Variants in RBMS3 observed in about 807,000 individuals in gnomAD.
RBMS3 encodes RNA-binding motif, single-stranded-interacting protein 3.
In RBMS3, 27 loss-of-function variants were observed where a neutral mutation model predicts 66.8. That is an observed-to-expected ratio of 0.40 (90% CI 0.30 to 0.56). The LOEUF is 0.56. RBMS3 is among the 20% of genes least tolerant of loss of function. The pLI is 0.40. For missense variants in RBMS3, 513 were observed against 549.5 expected (o/e 0.93, Z 0.66); for synonymous variants, 188 against 183.0 (o/e 1.03, Z -0.22).
rs112281119 is a variant in RBMS3 at position 29,371,141 on chromosome 3, A to C, written c.76-63602A>C. On this transcript the variant is annotated intron_variant, in intron 1 of 14. Transcript: ENST00000383767. ...GAAAATGCAGTGGTTTTGTTCATGG[A>C]GTGGGAAGTGTCTTCTCTGACAAAG... 4.4e-3 allele frequency among the ~76,000 whole-genome samples: 670 copies of C among 152,290 alleles called. 3 individuals carry two copies. Among genetic ancestry groups the C allele is most frequent in the African/African-American group, 0.015 (643 of 41,576 alleles).
At chr3:29,783,143 A>G (rs966571327) in intron 6 of RBMS3, among the ~76,000 whole-genome samples, 1 of 152,200 alleles carries the variant, frequency 6.6e-6, no homozygotes, top group Non-Finnish European at 1.5e-5. Flanking sequence ...TAATCCAGGA[A>G]AACTTTCTGG....
intron 3 of RBMS3, among the ~76,000 whole-genome samples, chr3:29,561,281 T>G (rs576892945): frequency 3.3e-5 from 5 of 152,178 alleles, no homozygotes; most frequent in Non-Finnish European, 7.3e-5. Context: ...GTCTAATCCC[T>G]TTAGACCAAA....
At chr3:29,433,334 C>A (rs2041278956) in intron 1 of RBMS3, among the ~76,000 whole-genome samples, 1 of 152,036 alleles carries the variant, frequency 6.6e-6, no homozygotes, top group Non-Finnish European at 1.5e-5. Flanking sequence ...GAGAACCCAG[C>A]CCAAAGTTTC....
intron 14 of RBMS3, among the ~76,000 whole-genome samples, chr3:29,996,238 C>A (rs1356528153): frequency 7.9e-5 from 12 of 151,498 alleles, no homozygotes; most frequent in South Asian, 2.1e-4. Flanking sequence ...TATATATGCA[C>A]CCAATACAGG....
rs562884874 is a variant in RBMS3 at position 29,594,995 on chromosome 3, A to G, written c.399+7790A>G. On this transcript the variant is annotated intron_variant, in intron 4 of 14. Transcript: ENST00000383767. The stretch of plus-strand genomic sequence containing the variant: ...TCTGCTTTCCTAGCATTGGACAAAA[A>G]CAAAAATCAACAAAAGAATTGCCTC... Among the ~76,000 whole-genome samples, 215 of 152,324 alleles carry G rather than the reference A, an allele frequency of 1.4e-3. 1 individual carries two copies. The highest frequency in any genetic ancestry group is 4.8e-3 in the African/African-American group (198 of 41,582).
At chr3:29,998,644 T>A (rs1479578591) in intron 14 of RBMS3, among the ~76,000 whole-genome samples, 1 of 152,094 alleles carries the variant, frequency 6.6e-6, no homozygotes, top group Non-Finnish European at 1.5e-5. Context: ...TTGACAAACC[T>A]GACAAAAACA....
intron 6 of RBMS3, among the ~76,000 whole-genome samples, chr3:29,835,092 T>C (rs910150953): frequency 6.6e-6 from 1 of 152,014 alleles, no homozygotes; most frequent in Non-Finnish European, 1.5e-5. Context: ...GACATAACAA[T>C]TGTAAATTTA....
At chr3:29,985,628 A>G (rs1479036007) in intron 12 of RBMS3, among the ~76,000 whole-genome samples, 1 of 152,058 alleles carries the variant, frequency 6.6e-6, no homozygotes, top group African/African-American at 2.4e-5. Flanking sequence ...TGTGCTTCCC[A>G]GGTGAGGCGA....
At chr3:29,398,051 G>C (rs1448048463) in intron 1 of RBMS3, among the ~76,000 whole-genome samples, 1 of 152,130 alleles carries the variant, frequency 6.6e-6, no homozygotes, top group South Asian at 2.1e-4. Context: ...GCTACTCTCA[G>C]TGCTGTTAGT....
At chr3:29,784,738 CA>C (rs1436292350) in intron 6 of RBMS3, among the ~76,000 whole-genome samples, 2 of 151,862 alleles carry the variant, frequency 1.3e-5, no homozygotes, top group Non-Finnish European at 2.9e-5. Context: ...ATAAATAAAA[CA>C]AAAAGCTCAT....
intron 5 of RBMS3, among the ~76,000 whole-genome samples, chr3:29,760,074 T>G (rs956147958): frequency 3.3e-5 from 5 of 152,034 alleles, no homozygotes; most frequent in African/African-American, 1.2e-4. Flanking sequence ...ACAGCCCCCA[T>G]CCAGCTTGAT....
intron 12 of RBMS3, among the ~76,000 whole-genome samples, chr3:29,946,400 C>A (rs1195681107): frequency 1.3e-5 from 2 of 151,626 alleles, no homozygotes; most frequent in Non-Finnish European, 3.0e-5. Flanking sequence ...ATCTGCTTGA[C>A]AATTTACAGA....
At chr3:29,853,388 A>G (rs931624615) in intron 6 of RBMS3, among the ~76,000 whole-genome samples, 11 of 151,226 alleles carry the variant, frequency 7.3e-5, no homozygotes, top group Non-Finnish European at 8.8e-5. Flanking sequence ...TTAGAAATTA[A>G]AATTCATATT....
intron 1 of RBMS3, among the ~76,000 whole-genome samples, chr3:29,408,766 G>A (rs2040138466): frequency 6.6e-6 from 1 of 152,294 alleles, no homozygotes; most frequent in South Asian, 2.1e-4. Context: ...GTCAGAATAT[G>A]TACAATACAG....
intron 6 of RBMS3, among the ~76,000 whole-genome samples, chr3:29,791,382 C>T (rs1249096702): frequency 6.6e-6 from 1 of 152,110 alleles, no homozygotes; most frequent in East Asian, 1.9e-4. Context: ...AGCCTCTTAT[C>T]TATCATCTTT....
At chr3:29,512,789 CT>C (rs2044466477) in intron 3 of RBMS3, among the ~76,000 whole-genome samples, 1 of 152,230 alleles carries the variant, frequency 6.6e-6, no homozygotes, top group South Asian at 2.1e-4. Flanking sequence ...ACTGTGTGCA[CT>C]GGGCTTCCAA....
chr3:29,874,393 A>AT (rs1420226785), intron 7 of RBMS3, among the ~76,000 whole-genome samples: 1 of 152,196 alleles, frequency 6.6e-6, no homozygotes, highest in Non-Finnish European at 1.5e-5. Context: ...TCATTTTCCA[A>AT]GGTAAGGGCA....
chr3:29,861,858 GTTATAA>G (rs2059225212), intron 6 of RBMS3, among the ~76,000 whole-genome samples: 1 of 152,096 alleles, frequency 6.6e-6, no homozygotes, highest in African/African-American at 2.4e-5. Context: ...GCCATGTGTT[GTTATAA>G]TTATATTTTA....
intron 2 of RBMS3, among the ~76,000 whole-genome samples, chr3:29,449,182 G>A (rs145196820): frequency 5.3e-5 from 8 of 152,258 alleles, no homozygotes; most frequent in Admixed American, 3.3e-4. Context: ...AACCAATTAA[G>A]TACAGAATTC....
Sources: allele counts gnomAD v4.1 joint callset (sites outside exome capture counted in the v4.1 genomes callset), GRCh38; gene constraint gnomAD v4.1.1; transcripts MANE v1.5; gene names NCBI Gene and HGNC (gene_info 2026-07-23, HGNC 2026-07-21).